Variants in CDC25B observed in about 807,000 individuals in gnomAD.
The protein encoded by CDC25B is cell division cycle 25B.
Under a neutral mutation model 69.8 loss-of-function variants are expected in CDC25B, and 33 were observed. The ratio of observed to expected loss-of-function variants is 0.47; its 90% CI spans 0.36 to 0.63. The LOEUF is 0.63. CDC25B is among the 30% of genes least tolerant of loss of function. The pLI, the probability that CDC25B is intolerant of heterozygous loss-of-function variation, is 0.00. For missense variants in CDC25B, 727 were observed against 809.1 expected, an observed-to-expected ratio of 0.90 and a Z score of 1.23; for synonymous variants, 341 against 314.6, an observed-to-expected ratio of 1.08 and a Z score of -0.89.
Position 3,803,092 on chromosome 20 carries a change from C to A in CDC25B, c.1258-16C>A, listed in dbSNP as rs372656313. ...CAGCCTGACCTGCCGGAACCAACCC[C>A]CATGACCTCCTACAGATGGTGGCCC... On this transcript the variant is annotated splice_polypyrimidine_tract_variant and intron_variant, in intron 12 of 15. Coordinates refer to ENST00000245960, the MANE Select transcript of CDC25B (RefSeq NM_021873.4). The surrounding 1 kb of genome is among the most constrained non-coding windows in gnomAD (Gnocchi z 4.9). 5.5e-5 allele frequency: 88 copies of A among 1,611,398 alleles called. No individual in the cohort carries two copies. The highest frequency in any genetic ancestry group is 7.5e-5 in the Non-Finnish European group (88 of 1,177,578).
chr20:3,797,474 G>C (rs2089100413), intron 1 of CDC25B, 148 bp from the exon 2 acceptor site: 2 of 1,032,680 alleles, frequency 1.9e-6, no homozygotes, highest in South Asian at 3.1e-5. Flanking sequence ...TCCTTGACCT[G>C]AGAAGAGGGG....
rs1238377934 is a variant in CDC25B, at chr20:3,803,396, T to C, written c.1357-8T>C. On this transcript the variant is annotated splice_polypyrimidine_tract_variant and splice_region_variant and intron_variant, in intron 13 of 15. Transcript: ENST00000245960. The surrounding 1 kb of genome is among the most constrained non-coding windows in gnomAD (Gnocchi z 4.9). Reference sequence around the variant, plus strand: ...GGGGCTGTGCCTGACCTCTGGCTCCTCTGACAGACTGCGGTGAACTTGCCC... The same window carrying C: ...GGGGCTGTGCCTGACCTCTGGCTCCCCTGACAGACTGCGGTGAACTTGCCC... 1.2e-6 allele frequency: 2 copies of C among 1,613,902 alleles called. No individual in the cohort carries two copies. Among genetic ancestry groups the C allele is most frequent in the Admixed American group, 3.3e-5 (2 of 59,986 alleles).
chr20:3,801,623 C>T, intron 8 of CDC25B, 99 bp from the exon 9 acceptor site: 1 of 1,163,148 alleles, frequency 8.6e-7, no homozygotes, highest in Non-Finnish European at 1.2e-6. Flanking sequence ...CTGGAGTTTG[C>T]CAGGGAAACA....
chr20:3,796,617 T>C lies in CDC25B; in HGVS notation c.86T>C (p.Leu29Pro). The change falls in exon 1 of 16, where the codon CTC (leucine) becomes CCC (proline). Residue 29 changes from leucine (L) to proline (P), a missense_variant. Physicochemically the swap from Leu to Pro is moderately conservative, Grantham distance 98. This residue lies in a region of CDC25B where 368 missense variants were observed against 345.6 expected (regional missense o/e 1.06). Coordinates refer to ENST00000245960, the MANE Select transcript of CDC25B (RefSeq NM_021873.4). ...GGTGGCGCCCAGCGTCCGGGCCACCTCCCGGGCCTCCTGCTGGGATCTCAT... is the reference window on the plus strand; with the variant it reads ...GGTGGCGCCCAGCGTCCGGGCCACCCCCCGGGCCTCCTGCTGGGATCTCAT... The part of the protein sequence containing the change: ...VCGGAQRPGH[L>P]PGLLLGSHGL... 2 of 1,445,938 alleles carry C rather than the reference T, an allele frequency of 1.4e-6. No individual in the cohort carries two copies. Among genetic ancestry groups the C allele is most frequent in the Non-Finnish European group, 1.8e-6 (2 of 1,103,924 alleles). The allele number at this position is 1,445,938 out of a possible 1,614,324, so 89.6% of individuals were successfully genotyped here.
chr20:3,800,419 C>T, intron 4 of CDC25B, 43 bp from the exon 5 acceptor site: 1 of 1,613,788 alleles, frequency 6.2e-7, no homozygotes. Context: ...TGGTCCCTGC[C>T]CTGCCTCTCC....
At position 3,802,351 on chromosome 20, in the gene CDC25B, G is replaced by A. The variant is rs770335566; in HGVS notation, c.1169G>A (p.Arg390Gln). The stretch of plus-strand genomic sequence containing the variant: ...GAGAACCTCCTGGACAGTGACCACC[G>A]AGAGCTGATTGGAGATTACTCTAAG... ...EIENLLDSDH[R>Q]ELIGDYSKAF... Residue 390 changes from arginine to glutamine, a missense_variant, in exon 11 of 16, where the codon CGA (arginine) becomes CAA (glutamine). Arg to Gln is a conservative substitution (Grantham distance 43). Around this residue, in one of 2 missense-constraint regions of CDC25B, gnomAD observed 359 missense variants for 463.4 expected, o/e 0.77. Transcript: ENST00000245960. 22 of 1,607,324 alleles carry A rather than the reference G, an allele frequency of 1.4e-5. No individual in the cohort carries two copies. In the South Asian group the frequency reaches 1.5e-4, roughly 11 times the overall value.
At chr20:3,787,065 A>AT in exon 1 of CDC25B, 1 of 586,372 alleles carries the variant, frequency 1.7e-6, no homozygotes, top group Non-Finnish European at 3.0e-6. Flanking sequence ...AAAATAACGC[A>AT]CTTTTTTTTT....
At chr20:3,796,838 G>A (rs2089074618) in intron 1 of CDC25B, 107 bp downstream of exon 1, 1 of 1,406,512 alleles carries the variant, frequency 7.1e-7, no homozygotes, top group South Asian at 1.4e-5. Flanking sequence ...GTGGAGTCCG[G>A]GGAGGCATCC....
At position 3,805,466 on chromosome 20, in the gene CDC25B, T is replaced by G. The variant is rs914376802; in HGVS notation, c.*505T>G. On this transcript the variant is annotated 3_prime_UTR_variant, in exon 16 of 16. Coordinates refer to ENST00000245960, the MANE Select transcript of CDC25B (RefSeq NM_021873.4). Reference sequence around the variant, plus strand: ...GTATGTCTGCCATGTTGCCCCTTTCTCTTTTCCCCTTTCCTGTCCCACCAT... The same window carrying G: ...GTATGTCTGCCATGTTGCCCCTTTCGCTTTTCCCCTTTCCTGTCCCACCAT... 1.4e-5 allele frequency: 4 copies of G among 281,328 alleles called. No individual in the cohort carries two copies. Among genetic ancestry groups the G allele is most frequent in the African/African-American group, 8.7e-5 (4 of 45,966 alleles). The allele number at this position is 281,328 out of a possible 1,614,324, so 17.4% of individuals were successfully genotyped here. A position where few individuals can be genotyped will look rare whatever the true frequency, so the allele number is the denominator to read the frequency against.
intron 1 of CDC25B, among the ~76,000 whole-genome samples, chr20:3,790,271 A>T (rs1393094351): frequency 1.3e-5 from 2 of 152,016 alleles, no homozygotes; most frequent in African/African-American, 4.8e-5. Context: ...CTGTCTCAAA[A>T]AAAAAAAAGG....
rs1203077290 is a variant in CDC25B at position 3,805,654 on chromosome 20, C to G, written c.*693C>G. ...CCCACTCGGTCCCAGTTTTGTTGCC[C>G]CAGAAAGGGATGTTATTATCCTTGG... On this transcript the variant is annotated 3_prime_UTR_variant, in exon 16 of 16. Coordinates refer to ENST00000245960, the MANE Select transcript of CDC25B (RefSeq NM_021873.4). 2.5e-6 allele frequency: 1 copy of G among 400,230 alleles called. No homozygotes were observed. Among genetic ancestry groups the G allele is most frequent in the African/African-American group, 2.1e-5 (1 of 48,662 alleles). The allele number at this position is 400,230 out of a possible 1,614,324, so 24.8% of individuals were successfully genotyped here. A position where few individuals can be genotyped will look rare whatever the true frequency, so the allele number is the denominator to read the frequency against.
chr20:3,787,068 T>G (rs2088837996), exon 1 of CDC25B: 4 of 596,006 alleles, frequency 6.7e-6, no homozygotes, highest in Non-Finnish European at 1.2e-5. Flanking sequence ...ATAACGCACT[T>G]TTTTTTTTGC....
At position 3,803,570 on chromosome 20, in the gene CDC25B, C is replaced by T; in HGVS notation, c.1490+33C>T. 1 of 1,612,902 alleles carries T rather than the reference C, an allele frequency of 6.2e-7. No homozygotes were observed. The highest frequency in any genetic ancestry group is 8.5e-7 in the Non-Finnish European group (1 of 1,179,838). On this transcript the variant is annotated intron_variant, in intron 14 of 15. Coordinates refer to ENST00000245960, the MANE Select transcript of CDC25B (RefSeq NM_021873.4). This position sits in a 1 kb window ranked among gnomAD's most constrained non-coding sequence, Gnocchi z 4.9. ...CCAGCTCCGCCCAGCCAGCTAGTGT[C>T]TGCCCTGGCCTTCCCTGCCCAGGCT...
Position 3,796,873 on chromosome 20 carries a change from G to T in CDC25B, c.200+142G>T, listed in dbSNP as rs570942919. 5.3e-4 allele frequency: 596 copies of T among 1,123,276 alleles called. 1 individual carries two copies. The highest frequency in any genetic ancestry group is 3.5e-4 in the Non-Finnish European group (295 of 836,946). 69.6% of individuals were successfully genotyped at this position (1,123,276 alleles called of 1,614,324 possible). ...CTGAGCAGTGGAGAGGTACGCCCTT[G>T]TTCCCTCCTAGGGGCCCAGGACATG... On this transcript the variant is annotated intron_variant, in intron 1 of 15. Coordinates refer to ENST00000245960, the MANE Select transcript of CDC25B (RefSeq NM_021873.4).
At position 3,803,563 on chromosome 20, in the gene CDC25B, C is replaced by G; in HGVS notation, c.1490+26C>G. On this transcript the variant is annotated intron_variant, in intron 14 of 15. Transcript: ENST00000245960. This position sits in a 1 kb window ranked among gnomAD's most constrained non-coding sequence, Gnocchi z 4.9. ...GTGAGTCCCAGCTCCGCCCAGCCAG[C>G]TAGTGTCTGCCCTGGCCTTCCCTGC... 1 of 1,613,420 alleles carries G rather than the reference C, an allele frequency of 6.2e-7. No homozygotes were observed. Among genetic ancestry groups the G allele is most frequent in the Non-Finnish European group, 8.5e-7 (1 of 1,179,928 alleles).
chr20:3,788,498 T>C (rs954458187), intron 1 of CDC25B, among the ~76,000 whole-genome samples: 7 of 152,242 alleles, frequency 4.6e-5, no homozygotes, highest in African/African-American at 1.7e-4. Flanking sequence ...ATCTTCAACC[T>C]GTCAATTTTT....
At chr20:3,793,282 AC>A (rs2146654655), upstream of CDC25B, among the ~76,000 whole-genome samples, 1 of 152,142 alleles carries the variant, frequency 6.6e-6, no homozygotes, top group African/African-American at 2.4e-5. Context: ...ATATGGCAAA[AC>A]CCTGTCTCTA....
Position 3,803,039 on chromosome 20 carries a change from G to A in CDC25B, c.1257+67G>A, listed in dbSNP as rs1210808489. On this transcript the variant is annotated intron_variant, in intron 12 of 15. Transcript: ENST00000245960. This position sits in a 1 kb window ranked among gnomAD's most constrained non-coding sequence, Gnocchi z 4.9. ...TAGCTCCATTGTTGACCTTCCCTGG[G>A]GACAGGCTAGGGCCACCTGCCAGCT... 7 of 1,592,816 alleles carry A rather than the reference G, an allele frequency of 4.4e-6. No individual in the cohort carries two copies. Among genetic ancestry groups the A allele is most frequent in the African/African-American group, 2.7e-5 (2 of 74,534 alleles).
At chr20:3,796,110 G>C (rs1235206264), upstream of CDC25B, 1 of 1,021,356 alleles carries the variant, frequency 9.8e-7, no homozygotes, top group Non-Finnish European at 1.2e-6. Context: ...TCGCGCCAGG[G>C]GGATGTGCGA....
Sources: gnomAD v4.1 joint callset for allele counts (sites outside exome capture counted in the v4.1 genomes callset) on GRCh38, gnomAD v4.1.1 for gene constraint, gnomAD v4.1.1 regional missense constraint, Gnocchi (gnomAD v3.1) non-coding constraint, MANE v1.5 for transcripts, NCBI Gene and HGNC (gene_info 2026-07-23, HGNC 2026-07-21) for gene names.